The following PAFAH1B3 variants were observed in gnomAD, a reference collection of about 807,000 sequenced individuals.
PAFAH1B3 encodes platelet activating factor acetylhydrolase 1b catalytic subunit 3.
A neutral mutation model predicts 24.4 loss-of-function variants in PAFAH1B3; 15 were observed. The ratio of observed to expected loss-of-function variants is 0.62; its 90% CI spans 0.41 to 0.95. The LOEUF (loss-of-function observed/expected upper bound fraction) is 0.95, where lower values mean the gene tolerates loss of function less well. Among genes scored for constraint, PAFAH1B3 ranks in the 40% least tolerant of loss-of-function variants. The probability of loss-of-function intolerance (pLI) is 0.00; values close to 1 mark genes in which losing one functional copy is unlikely to be tolerated. For synonymous variants in PAFAH1B3, 144 were observed against 126.5 expected, an observed-to-expected ratio of 1.14 and a Z score of -0.93; for missense variants, 266 against 312.2, an observed-to-expected ratio of 0.85 and a Z score of 1.12.
Position 42,302,427 on chromosome 19 carries a change from G to A in PAFAH1B3, c.-118C>T. 1 of 883,688 alleles carries A rather than the reference G, an allele frequency of 1.1e-6. No homozygotes were observed. The highest frequency in any genetic ancestry group is 2.7e-5 in the East Asian group (1 of 37,330). 54.7% of individuals were successfully genotyped at this position (883,688 alleles called of 1,614,324 possible). A position where few individuals can be genotyped will look rare whatever the true frequency, so the allele number is the denominator to read the frequency against. On this transcript the variant is annotated 5_prime_UTR_variant, in exon 1 of 5. Coordinates refer to ENST00000262890, the MANE Select transcript of PAFAH1B3 (RefSeq NM_002573.4). The stretch of plus-strand genomic sequence containing the variant: ...CGCGGCAACAAAGGACCGTCCCAAC[G>A]CTAGCACACCCGCGGAGGACGAAGG...
chr19:42,300,239 C>T lies in PAFAH1B3; in HGVS notation c.217G>A (p.Gly73Ser), dbSNP rs1484181176. ...AGTACATGCTGTGTGCCGTCACCAC[C>T]AATGCCAAAGTTAAGTGCATGCAGA... ...SPLHALNFGI[G>S]GDGTQHVLWR... Residue 73 changes from glycine (G) to serine (S), a missense_variant, in exon 3 of 5, where the codon GGT becomes AGT. Transcript: ENST00000262890. 1.2e-6 allele frequency: 2 copies of T among 1,614,124 alleles called. No homozygotes were observed. Among genetic ancestry groups the T allele is most frequent in the Non-Finnish European group, 1.7e-6 (2 of 1,180,054 alleles).
chr19:42,297,631 T>C (rs1315831718), intron 4 of PAFAH1B3, among the ~76,000 whole-genome samples: 1 of 151,062 alleles, frequency 6.6e-6, no homozygotes, highest in Non-Finnish European at 1.5e-5. Flanking sequence ...TGGAGTGCAG[T>C]GGCGCGATCT....
chr19:42,302,073 G>C, intron 1 of PAFAH1B3, 34 bp from the exon 2 acceptor site: 1 of 1,541,968 alleles, frequency 6.5e-7, no homozygotes, highest in East Asian at 2.4e-5. Flanking sequence ...TCAATGGCAT[G>C]CACGCTCCAG....
chr19:42,301,887 G>C, intron 2 of PAFAH1B3, 63 bp downstream of exon 2: 1 of 1,359,318 alleles, frequency 7.4e-7, no homozygotes, highest in South Asian at 1.2e-5. Context: ...CCTGGGTTCT[G>C]GTCCAGATGT....
In PAFAH1B3 at chr19:42,302,257, T is replaced by C. The variant is rs1441344869; in HGVS notation, c.53A>G (p.Gln18Arg). ...CAGGGACATCCAGCGCCCGTCGCCC[T>C]GTACGTCCTGCACCGGCGTGGGCTT... is the stretch of plus-strand genomic sequence containing the variant. ...ASKPTPVQDVQGDGRWMSLHH... is the reference protein window; with the variant it reads ...ASKPTPVQDVRGDGRWMSLHH... The change falls in exon 1 of 5, where the codon CAG becomes CGG. Residue 18 changes from glutamine (Q) to arginine (R), a missense_variant. Coordinates refer to ENST00000262890, the MANE Select transcript of PAFAH1B3 (RefSeq NM_002573.4). 5 of 1,605,570 alleles carry C rather than the reference T, an allele frequency of 3.1e-6. No individual in the cohort carries two copies. Among genetic ancestry groups the C allele is most frequent in the Non-Finnish European group, 4.2e-6 (5 of 1,176,570 alleles).
chr19:42,301,878 C>T, intron 2 of PAFAH1B3, 72 bp downstream of exon 2: 1 of 1,285,512 alleles, frequency 7.8e-7, no homozygotes, highest in Non-Finnish European at 1.1e-6. Context: ...CTCACCTGGC[C>T]TGGGTTCTGG....
chr19:42,300,151 C>G lies in PAFAH1B3; in HGVS notation c.285+20G>C. On this transcript the variant is annotated intron_variant, in intron 3 of 4. Coordinates refer to ENST00000262890, the MANE Select transcript of PAFAH1B3 (RefSeq NM_002573.4). ...GGGCAGCCAAAAGATGTTTTAGAGC[C>G]CCACCCAAGCCCCGCTCACCTTGGG... 6.2e-7 allele frequency: 1 copy of G among 1,613,986 alleles called. No homozygotes were observed. The highest frequency in any genetic ancestry group is 8.5e-7 in the Non-Finnish European group (1 of 1,179,860).
chr19:42,302,614 G>C lies in PAFAH1B3; in HGVS notation c.-305C>G, dbSNP rs1004646204. 3.4e-5 allele frequency: 13 copies of C among 383,454 alleles called. No homozygotes were observed. The highest frequency in any genetic ancestry group is 2.5e-4 in the East Asian group (5 of 20,318). 23.8% of individuals were successfully genotyped at this position (383,454 alleles called of 1,614,324 possible). On this transcript the variant is annotated 5_prime_UTR_variant, in exon 1 of 5. Coordinates refer to ENST00000262890, the MANE Select transcript of PAFAH1B3 (RefSeq NM_002573.4). ...CAGGCCGCGCACCCGGCACGGGGTGGGGGGAGGGAGAGGCGAGACCATCCA... is the reference window on the plus strand; with the variant it reads ...CAGGCCGCGCACCCGGCACGGGGTGCGGGGAGGGAGAGGCGAGACCATCCA...
At chr19:42,299,878 T>G in intron 4 of PAFAH1B3, 92 bp downstream of exon 4, 1 of 1,527,608 alleles carries the variant, frequency 6.5e-7, no homozygotes, top group South Asian at 1.2e-5. Flanking sequence ...CTGCTCTATG[T>G]CAAGCTGCCT....
chr19:42,301,956 C>T lies in PAFAH1B3; in HGVS notation c.162G>A (p.Gln54=). 1.3e-6 allele frequency: 2 copies of T among 1,558,406 alleles called. No individual in the cohort carries two copies. The highest frequency in any genetic ancestry group is 1.7e-6 in the Non-Finnish European group (2 of 1,151,018). ...GGAGAGGGACTGCCCTCACCTCGCA[C>T]TGGTGCATGAGCTGGACCAAGGAGT... ...IGDSLVQLMH[Q]CEIWRELFSP... The change falls in exon 2 of 5, where the codon CAG becomes CAA. Residue 54 remains glutamine, a synonymous_variant. Transcript: ENST00000262890.
At chr19:42,302,161 C>T in intron 1 of PAFAH1B3, 71 bp downstream of exon 1, 3 of 1,502,652 alleles carry the variant, frequency 2.0e-6, no homozygotes, top group Non-Finnish European at 2.7e-6. Flanking sequence ...GAGAGTGGCA[C>T]GAACCAGCCG....
intron 4 of PAFAH1B3, among the ~76,000 whole-genome samples, chr19:42,299,082 G>C (rs1172765025): frequency 6.6e-6 from 1 of 150,508 alleles, no homozygotes; most frequent in African/African-American, 2.4e-5. Flanking sequence ...CAAAGTGCTG[G>C]GATTACAAGT....
chr19:42,302,091 C>G, intron 1 of PAFAH1B3, 52 bp from the exon 2 acceptor site: 2 of 1,524,306 alleles, frequency 1.3e-6, no homozygotes, highest in Non-Finnish European at 1.8e-6. Flanking sequence ...CAGGGCCCGC[C>G]CCGCCCTGCT....
intron 1 of PAFAH1B3, 48 bp from the exon 2 acceptor site, chr19:42,302,087 C>T: frequency 6.6e-7 from 1 of 1,517,982 alleles, no homozygotes. Context: ...GCTCCAGGGC[C>T]CGCCCCGCCC....
chr19:42,297,182 G>A lies in PAFAH1B3; in HGVS notation c.592C>T (p.Arg198Cys). Reference protein sequence around the residue: ...HDMYDYLHLSRLGYTPVCRAL... With the variant: ...HDMYDYLHLSCLGYTPVCRAL... The stretch of plus-strand genomic sequence containing the variant: ...CGGCAAACAGGTGTGTAGCCCAGGC[G>A]GCTCAGATGCAGGTAATCATACATG... The change falls in exon 5 of 5, where the codon CGC (arginine) becomes TGC (cysteine). Residue 198 changes from arginine to cysteine, a missense_variant. Coordinates refer to ENST00000262890, the MANE Select transcript of PAFAH1B3 (RefSeq NM_002573.4). 9.3e-6 allele frequency: 15 copies of A among 1,614,116 alleles called. No homozygotes were observed. The highest frequency in any genetic ancestry group is 2.2e-5 in the East Asian group (1 of 44,876).
At chr19:42,300,966 C>T (rs1391429385) in intron 2 of PAFAH1B3, among the ~76,000 whole-genome samples, 2 of 152,074 alleles carry the variant, frequency 1.3e-5, no homozygotes, top group African/African-American at 2.4e-5. Context: ...AGGCATGTGC[C>T]ACCATGCCCA....
chr19:42,302,378 T>C lies in PAFAH1B3; in HGVS notation c.-69A>G, dbSNP rs1185491566. On this transcript the variant is annotated 5_prime_UTR_variant, in exon 1 of 5. Coordinates refer to ENST00000262890, the MANE Select transcript of PAFAH1B3 (RefSeq NM_002573.4). Reference sequence around the variant, plus strand: ...CGGGAGTGTTCCGAACGGAGCTGGCTCCGCCACGCCCACTCCTACCCCTCG... The same window carrying C: ...CGGGAGTGTTCCGAACGGAGCTGGCCCCGCCACGCCCACTCCTACCCCTCG... 7.1e-7 allele frequency: 1 copy of C among 1,405,382 alleles called. No individual in the cohort carries two copies. 87.1% of individuals were successfully genotyped at this position (1,405,382 alleles called of 1,614,324 possible). A position where few individuals can be genotyped will look rare whatever the true frequency, so the allele number is the denominator to read the frequency against.
chr19:42,299,219 C>T (rs1000004409), intron 4 of PAFAH1B3, among the ~76,000 whole-genome samples: 1 of 151,518 alleles, frequency 6.6e-6, no homozygotes, highest in African/African-American at 2.4e-5. Context: ...TGGGTTCAAG[C>T]GATTCTCCTG....
chr19:42,297,974 C>T (rs904688155), intron 4 of PAFAH1B3, among the ~76,000 whole-genome samples: 7 of 151,932 alleles, frequency 4.6e-5, no homozygotes, highest in Non-Finnish European at 8.8e-5. Flanking sequence ...CTGGATAGGT[C>T]GCTTGAGCCC....
Sources: gnomAD v4.1 joint callset for allele counts (sites outside exome capture counted in the v4.1 genomes callset) on GRCh38, gnomAD v4.1.1 for gene constraint, MANE v1.5 for transcripts, NCBI Gene and HGNC (gene_info 2026-07-23, HGNC 2026-07-21) for gene names.